CEP112: variants seen among roughly 807,000 people sequenced by gnomAD.
CEP112 encodes centrosomal protein of 112 kDa.
In CEP112, 127 loss-of-function variants were observed where a neutral mutation model predicts 153.0. That is an observed-to-expected ratio of 0.83 (90% CI 0.72 to 0.96). The LOEUF (loss-of-function observed/expected upper bound fraction) is 0.96. Among genes scored for constraint, CEP112 ranks in the 40% least tolerant of loss-of-function variants. The probability of loss-of-function intolerance (pLI) is 0.00; values close to 1 mark genes in which losing one functional copy is unlikely to be tolerated. For missense variants in CEP112, 1,089 were observed against 1,101.2 expected (o/e 0.99, Z 0.16); for synonymous variants, 358 against 374.4 (o/e 0.96, Z 0.51).
At chr17:66,042,615 T>C (rs1282235606) in intron 12 of CEP112, among the ~76,000 whole-genome samples, 1 of 152,112 alleles carries the variant, frequency 6.6e-6, no homozygotes, top group Non-Finnish European at 1.5e-5. Context: ...CAACTAAATG[T>C]CATGTGGTAT....
intron 20 of CEP112, among the ~76,000 whole-genome samples, chr17:65,893,791 G>A (rs1175044975): frequency 6.6e-6 from 1 of 151,970 alleles, no homozygotes; most frequent in African/African-American, 2.4e-5. Flanking sequence ...TGACATTTTT[G>A]TCATGAAAAA....
At chr17:66,188,450 T>G (rs1173352709) in intron 1 of CEP112, among the ~76,000 whole-genome samples, 1 of 130,542 alleles carries the variant, frequency 7.7e-6, no homozygotes, top group Non-Finnish European at 1.6e-5. Context: ...TCATAGGCTA[T>G]TCCCTCCACC....
chr17:65,962,197 C>G (rs1391322492), intron 17 of CEP112, among the ~76,000 whole-genome samples: 3 of 151,996 alleles, frequency 2.0e-5, no homozygotes, highest in Non-Finnish European at 4.4e-5. Flanking sequence ...GTTGCACATC[C>G]TTGTGAATAT....
chr17:65,904,300 C>T (rs1378717683), intron 19 of CEP112, among the ~76,000 whole-genome samples: 2 of 152,150 alleles, frequency 1.3e-5, no homozygotes, highest in East Asian at 1.9e-4. Flanking sequence ...CATTCCTGTA[C>T]ACCAATAATA....
intron 18 of CEP112, among the ~76,000 whole-genome samples, chr17:65,955,603 G>C (rs909701516): frequency 1.3e-5 from 2 of 152,124 alleles, no homozygotes; most frequent in Admixed American, 1.3e-4. Flanking sequence ...GTCATCAGTA[G>C]ACTCACCTAA....
At chr17:66,129,609 C>G (rs2070031322) in intron 6 of CEP112, 137 bp downstream of exon 6, 1 of 539,928 alleles carries the variant, frequency 1.9e-6, no homozygotes, top group Non-Finnish European at 3.3e-6. Flanking sequence ...TATACTTAAG[C>G]CCTTCTCAAG....
intron 24 of CEP112, among the ~76,000 whole-genome samples, chr17:65,670,591 T>TA (rs2046936869): frequency 6.6e-6 from 1 of 152,162 alleles, no homozygotes; most frequent in East Asian, 1.9e-4. Context: ...CACAGAGAAA[T>TA]AGAGCCTGCA....
At chr17:65,959,367 A>G (rs2144738952) in intron 18 of CEP112, among the ~76,000 whole-genome samples, 1 of 152,330 alleles carries the variant, frequency 6.6e-6, no homozygotes, top group Non-Finnish European at 1.5e-5. Flanking sequence ...TCTATTGCTC[A>G]ATGAAGCTCC....
intron 23 of CEP112, among the ~76,000 whole-genome samples, chr17:65,702,474 C>T (rs2048691302): frequency 6.6e-6 from 1 of 151,672 alleles, no homozygotes; most frequent in Non-Finnish European, 1.5e-5. Context: ...CAACTGTGGT[C>T]CAAAAAGAGG....
chr17:66,101,403 A>G (rs2068563796), intron 6 of CEP112, among the ~76,000 whole-genome samples: 1 of 152,106 alleles, frequency 6.6e-6, no homozygotes, highest in Non-Finnish European at 1.5e-5. Flanking sequence ...AGACTCTATT[A>G]GAGCATGAAC....
At chr17:66,029,795 T>G (rs1011750155) in intron 13 of CEP112, 74 bp downstream of exon 13, 3 of 1,259,028 alleles carry the variant, frequency 2.4e-6, no homozygotes, top group Admixed American at 2.3e-5. Flanking sequence ...GTAATTAATT[T>G]TGGCAGATAA....
chr17:66,185,969 A>C (rs1018558830), intron 1 of CEP112, among the ~76,000 whole-genome samples: 4 of 151,724 alleles, frequency 2.6e-5, no homozygotes, highest in Admixed American at 1.3e-4. Flanking sequence ...TTACTTGCTG[A>C]CTTTACTTTC....
chr17:65,914,841 CT>C (rs2143903499), intron 19 of CEP112, among the ~76,000 whole-genome samples: 1 of 152,286 alleles, frequency 6.6e-6, no homozygotes, highest in East Asian at 1.9e-4. Context: ...TTCAAAATTC[CT>C]CAAAACGGCT....
At chr17:65,659,052 T>C (rs1254258230) in intron 24 of CEP112, among the ~76,000 whole-genome samples, 2 of 139,198 alleles carry the variant, frequency 1.4e-5, no homozygotes, top group Admixed American at 1.5e-4. Context: ...TATCAGACCA[T>C]TTCTATCCCC....
Position 65,694,297 on chromosome 17 carries a change from A to G in CEP112, c.2608-5079T>C, listed in dbSNP as rs959985999. On this transcript the variant is annotated intron_variant, in intron 23 of 26. Coordinates refer to ENST00000535342, the MANE Select transcript of CEP112 (RefSeq NM_001199165.4). ...GATAGGCAGGAGGCAATTGAGGAGAAGTTAGGATGACATATTACGGAAATC... is the reference window on the plus strand; with the variant it reads ...GATAGGCAGGAGGCAATTGAGGAGAGGTTAGGATGACATATTACGGAAATC... Among the ~76,000 whole-genome samples the G allele has an allele frequency of 3.9e-5, 6 of 152,228 alleles. No individual in the cohort carries two copies. In the East Asian group the frequency reaches 1.2e-3, roughly 29 times the overall value.
chr17:65,848,082 G>A (rs1048965810), intron 21 of CEP112, among the ~76,000 whole-genome samples: 3 of 152,168 alleles, frequency 2.0e-5, no homozygotes, highest in African/African-American at 7.2e-5. Context: ...GATTCTTCAC[G>A]TCATTAAGCT....
intron 18 of CEP112, among the ~76,000 whole-genome samples, chr17:65,937,977 G>C (rs1385198609): frequency 3.3e-5 from 4 of 121,856 alleles, no homozygotes; most frequent in Admixed American, 1.0e-4. Flanking sequence ...GAATAGAAAG[G>C]GGGGAAAGGT....
intron 20 of CEP112, among the ~76,000 whole-genome samples, chr17:65,889,045 GC>G (rs768315166): frequency 1.3e-5 from 2 of 152,048 alleles, no homozygotes; most frequent in East Asian, 1.9e-4. Context: ...TACCTAATTG[GC>G]AAAGTTCTCT....
intron 24 of CEP112, among the ~76,000 whole-genome samples, chr17:65,649,051 AAAAC>A (rs765883855): frequency 2.8e-4 from 41 of 146,300 alleles, no homozygotes; most frequent in Admixed American, 8.2e-4. Flanking sequence ...AGTCTGTCTC[AAAAC>A]AAACAAACAA....
Sources: allele counts gnomAD v4.1 joint callset (sites outside exome capture counted in the v4.1 genomes callset), GRCh38; gene constraint gnomAD v4.1.1; transcripts MANE v1.5; gene names NCBI Gene and HGNC (gene_info 2026-07-23, HGNC 2026-07-21).